PLEKHG7: variants seen among roughly 807,000 people sequenced by gnomAD.
PLEKHG7 encodes the protein pleckstrin homology domain-containing family G member 7.
A neutral mutation model predicts 85.2 loss-of-function variants in PLEKHG7; 77 were observed. That is an observed-to-expected ratio of 0.90 (90% CI 0.75 to 1.09). The LOEUF is 1.09. Ranked by LOEUF, PLEKHG7 falls within the 50% of genes least tolerant of loss-of-function variation. The probability of loss-of-function intolerance (pLI) is 0.00; values close to 1 mark genes in which losing one functional copy is unlikely to be tolerated. For missense variants in PLEKHG7, 777 were observed against 804.3 expected, an observed-to-expected ratio of 0.97 and a Z score of 0.41; for synonymous variants, 301 against 302.4, an observed-to-expected ratio of 1.00 and a Z score of 0.05.
intron 3 of PLEKHG7, among the ~76,000 whole-genome samples, chr12:92,717,923 C>T (rs145472747): frequency 4.8e-4 from 73 of 152,294 alleles, no homozygotes; most frequent in African/African-American, 1.6e-3. Context: ...CAAATAGTAG[C>T]TATGGTTATT....
At chr12:92,739,181 G>A (rs1360149407) in intron 7 of PLEKHG7, among the ~76,000 whole-genome samples, 3 of 152,234 alleles carry the variant, frequency 2.0e-5, no homozygotes, top group Non-Finnish European at 1.5e-5. Flanking sequence ...CAGAGAGAGA[G>A]AGAGATCTTC....
Position 92,756,364 on chromosome 12 carries a change from C to T in PLEKHG7, c.1609C>T (p.Leu537Phe). 1.2e-6 allele frequency: 2 copies of T among 1,612,800 alleles called. No homozygotes were observed. The highest frequency in any genetic ancestry group is 1.7e-6 in the Non-Finnish European group (2 of 1,178,774). Reference sequence around the variant, plus strand: ...CTTGTCACCAACCAGCAGACACCTTCTCTATGAAGGAAAATTAACTCTTGC... The same window carrying T: ...CTTGTCACCAACCAGCAGACACCTTTTCTATGAAGGAAAATTAACTCTTGC... ...NILSPTSRHL[L>F]YEGKLTLAES... is the part of the protein sequence containing the mutation. Residue 537 changes from leucine to phenylalanine, a missense_variant, in exon 13 of 17, where the codon CTC becomes TTC. By Grantham distance (22) the Leu-to-Phe change is conservative. Around this residue, in one of 3 missense-constraint regions of PLEKHG7, gnomAD observed 520 missense variants for 544.0 expected, o/e 0.96. Transcript: ENST00000344636.
intron 3 of PLEKHG7, among the ~76,000 whole-genome samples, chr12:92,716,096 G>A (rs1369046600): frequency 6.7e-6 from 1 of 149,684 alleles, no homozygotes; most frequent in Non-Finnish European, 1.5e-5. Context: ...GTTTTGTTTT[G>A]TTTTGTTTTG....
chr12:92,740,857 T>C lies in PLEKHG7; in HGVS notation c.944T>C (p.Phe315Ser), dbSNP rs1872334307. Residue 315 changes from phenylalanine to serine, a missense_variant, in exon 8 of 17, where the codon TTT becomes TCT. Physicochemically the swap from Phe to Ser is radical, Grantham distance 155 (BLOSUM62 -2). This residue lies in a region of PLEKHG7 where 520 missense variants were observed against 544.0 expected (regional missense o/e 0.96). Transcript: ENST00000344636. ...LDHLLVLKMI[F>S]MNTLRYLQTH... is the part of the protein sequence containing the mutation. Reference sequence around the variant, plus strand: ...TATATATTTTTTATTTCAAAGATCTTTATGAATACACTAAGATATCTGCAA... The same window carrying C: ...TATATATTTTTTATTTCAAAGATCTCTATGAATACACTAAGATATCTGCAA... 1 of 1,591,516 alleles carries C rather than the reference T, an allele frequency of 6.3e-7. No individual in the cohort carries two copies. Among genetic ancestry groups the C allele is most frequent in the African/African-American group, 1.3e-5 (1 of 74,406 alleles).
At chr12:92,741,338 A>G (rs1185411054) in intron 8 of PLEKHG7, among the ~76,000 whole-genome samples, 153 bp from the exon 9 acceptor site, 2 of 152,224 alleles carry the variant, frequency 1.3e-5, no homozygotes, top group Non-Finnish European at 2.9e-5. Context: ...GAAAATATAT[A>G]TTGGAGAGTG....
intron 3 of PLEKHG7, chr12:92,721,560 G>C: frequency 1.8e-6 from 2 of 1,127,580 alleles, no homozygotes; most frequent in Non-Finnish European, 2.2e-6. Context: ...GTTTCTACAT[G>C]GTGGGTGGGG....
At chr12:92,708,263 A>G (rs1487530976) in intron 3 of PLEKHG7, 1 of 152,362 alleles carries the variant, frequency 6.6e-6, no homozygotes, top group African/African-American at 2.4e-5. Flanking sequence ...TATCTTCCTG[A>G]CTTGTGGGAT....
intron 4 of PLEKHG7, among the ~76,000 whole-genome samples, chr12:92,729,462 T>C (rs1300903979): frequency 6.7e-6 from 1 of 149,284 alleles, no homozygotes; most frequent in Non-Finnish European, 1.5e-5. Flanking sequence ...AGCTTCCCCA[T>C]TATTGCTGTC....
chr12:92,716,757 A>T (rs998826495), intron 3 of PLEKHG7, among the ~76,000 whole-genome samples: 1 of 152,154 alleles, frequency 6.6e-6, no homozygotes, highest in African/African-American at 2.4e-5. Flanking sequence ...AAAACACTAT[A>T]TTGTGTTTCT....
At chr12:92,721,480 C>G (rs1453907571) in intron 3 of PLEKHG7, 2 of 1,230,166 alleles carry the variant, frequency 1.6e-6, no homozygotes, top group Non-Finnish European at 2.0e-6. Flanking sequence ...AGCCATGGGA[C>G]TAGTCCCTTC....
At chr12:92,715,409 T>G (rs954527115) in intron 3 of PLEKHG7, among the ~76,000 whole-genome samples, 4 of 152,146 alleles carry the variant, frequency 2.6e-5, no homozygotes, top group African/African-American at 4.8e-5. Flanking sequence ...TTTGCATCCT[T>G]CAATCCAATC....
At chr12:92,745,756 C>T (rs1199364046) in intron 10 of PLEKHG7, among the ~76,000 whole-genome samples, 165 bp downstream of exon 10, 2 of 152,188 alleles carry the variant, frequency 1.3e-5, no homozygotes, top group Admixed American at 6.5e-5. Flanking sequence ...TTGTCCACTG[C>T]ACACTTAGGA....
intron 14 of PLEKHG7, among the ~76,000 whole-genome samples, chr12:92,762,425 G>A (rs563898851): frequency 6.6e-6 from 1 of 152,270 alleles, no homozygotes; most frequent in African/African-American, 2.4e-5. Flanking sequence ...GACTAAATTA[G>A]TCAACTGGGA....
At chr12:92,727,420 C>A (rs1592677214) in intron 3 of PLEKHG7, among the ~76,000 whole-genome samples, 1 of 152,080 alleles carries the variant, frequency 6.6e-6, no homozygotes, top group East Asian at 1.9e-4. Flanking sequence ...TCCCACCTCA[C>A]CCCTCCCCAC....
intron 3 of PLEKHG7, 49 bp from the exon 4 acceptor site, chr12:92,728,944 G>A (rs895487635): frequency 1.7e-6 from 2 of 1,203,668 alleles, no homozygotes; most frequent in Non-Finnish European, 2.1e-6. Flanking sequence ...ATTCTGAGTG[G>A]TCTAAGATGA....
chr12:92,749,622 G>A (rs1446500554), intron 10 of PLEKHG7: 1 of 152,132 alleles, frequency 6.6e-6, no homozygotes, highest in Non-Finnish European at 1.5e-5. Context: ...ACTAACAATG[G>A]CTAAGAACTC....
In PLEKHG7 at chr12:92,729,098, T is replaced by C. The variant is rs1871907461; in HGVS notation, c.636T>C (p.His212=). 4.1e-6 allele frequency: 5 copies of C among 1,231,810 alleles called. No individual in the cohort carries two copies. In the East Asian group the frequency reaches 1.6e-4, roughly 39 times the overall value. 76.3% of individuals were successfully genotyped at this position (1,231,810 alleles called of 1,614,324 possible). A position where few individuals can be genotyped will look rare whatever the true frequency, so the allele number is the denominator to read the frequency against. The change falls in exon 4 of 17, where the codon CAT becomes CAC. Residue 212 remains histidine (H), a synonymous_variant. Coordinates refer to ENST00000344636, the MANE Select transcript of PLEKHG7 (RefSeq NM_001377329.1). ...VSDGAADYLC[H]PLLLLNSESK... ...ATGGAGCTGCTGATTACCTATGCCA[T>C]CCACTTCTGCTGCTGAATTCAGGTT...
intron 13 of PLEKHG7, 125 bp from the exon 14 acceptor site, chr12:92,761,619 GAAAGAAGA>G (rs1202923718): frequency 2.1e-5 from 21 of 993,490 alleles, no homozygotes; most frequent in Admixed American, 1.5e-4. Flanking sequence ...AAGAAAGAAA[GAAAGAAGA>G]AAGAAAGAAA....
intron 7 of PLEKHG7, among the ~76,000 whole-genome samples, chr12:92,740,114 G>A (rs1000202512): frequency 1.1e-4 from 17 of 152,136 alleles, no homozygotes; most frequent in Admixed American, 9.8e-4. Context: ...TCTATCTAAA[G>A]CCCAGTCTTT....
Sources: gnomAD v4.1 joint callset for allele counts (sites outside exome capture counted in the v4.1 genomes callset) on GRCh38, gnomAD v4.1.1 for gene constraint, gnomAD v4.1.1 regional missense constraint, MANE v1.5 for transcripts, NCBI Gene and HGNC (gene_info 2026-07-23, HGNC 2026-07-21) for gene names.